Variants in BLTP3B observed in about 807,000 individuals in gnomAD.
BLTP3B encodes the protein bridge-like lipid transfer protein family member 3B.
chr12:100,140,566 G>A, the BLTP3B span, among the ~76,000 whole-genome samples: 6 of 150,840 alleles, frequency 4.0e-5, no homozygotes, highest in Non-Finnish European at 7.4e-5. Context: ...TTAGCCAGGC[G>A]TGGTGGCGCA....
the BLTP3B span, among the ~76,000 whole-genome samples, chr12:100,060,515 GT>G: frequency 6.6e-6 from 1 of 152,148 alleles, no homozygotes; most frequent in African/African-American, 2.4e-5. Flanking sequence ...AGAGAGCTAA[GT>G]TAACCAATTT....
At chr12:100,123,577 G>GTCA in the BLTP3B span, among the ~76,000 whole-genome samples, 3 of 152,126 alleles carry the variant, frequency 2.0e-5, no homozygotes, top group Non-Finnish European at 4.4e-5. Flanking sequence ...TCCCAAGACT[G>GTCA]CCCTCCGTCA....
At chr12:100,050,948 A>C in the BLTP3B span, 1 of 1,264,118 alleles carries the variant, frequency 7.9e-7, no homozygotes, top group South Asian at 1.6e-5. Flanking sequence ...CAAGAACAAA[A>C]GCTGCAAATT....
At chr12:100,042,948 C>G in the BLTP3B span, among the ~76,000 whole-genome samples, 1 of 152,042 alleles carries the variant, frequency 6.6e-6, no homozygotes, top group Non-Finnish European at 1.5e-5. Context: ...TACAGATGTG[C>G]GCCAAGACAC....
At chr12:100,067,330 T>C in the BLTP3B span, among the ~76,000 whole-genome samples, 1 of 151,650 alleles carries the variant, frequency 6.6e-6, no homozygotes, top group Non-Finnish European at 1.5e-5. Flanking sequence ...AGAAAGGCAA[T>C]GACCAATATC....
chr12:100,059,808 AG>A, the BLTP3B span: 2 of 1,552,324 alleles, frequency 1.3e-6, no homozygotes, highest in East Asian at 4.5e-5. Context: ...TAAAATAAAA[AG>A]AACAAAATTA....
chr12:100,075,618 G>A, the BLTP3B span, among the ~76,000 whole-genome samples: 3 of 152,002 alleles, frequency 2.0e-5, no homozygotes, highest in Admixed American at 2.0e-4. Flanking sequence ...AATCTATAAG[G>A]AACTTGAACA....
At chr12:100,131,602 GTCAA>G in the BLTP3B span, among the ~76,000 whole-genome samples, 10 of 152,090 alleles carry the variant, frequency 6.6e-5, no homozygotes, top group Admixed American at 5.9e-4. Flanking sequence ...TCAATAAACT[GTCAA>G]TCAAACTATT....
chr12:100,097,563 G>A, the BLTP3B span: 1 of 1,496,596 alleles, frequency 6.7e-7, no homozygotes, highest in Non-Finnish European at 8.9e-7. Context: ...TGAGAAAAAT[G>A]TAGATTTTTA....
At chr12:100,055,769 G>C in the BLTP3B span, among the ~76,000 whole-genome samples, 1 of 151,592 alleles carries the variant, frequency 6.6e-6, no homozygotes, top group Non-Finnish European at 1.5e-5. Context: ...AACTTCAGGA[G>C]CCTCAGTTTC....
At chr12:100,136,801 CTTTT>C in the BLTP3B span, among the ~76,000 whole-genome samples, 1 of 149,012 alleles carries the variant, frequency 6.7e-6, no homozygotes, top group Non-Finnish European at 1.5e-5. Context: ...CTTTTCTTTT[CTTTT>C]TTTTCTTTTT....
the BLTP3B span, chr12:100,086,195 A>G: frequency 2.2e-6 from 2 of 890,840 alleles, no homozygotes; most frequent in Non-Finnish European, 3.2e-6. Context: ...AAATAAAAGC[A>G]AGATAAAACT....
chr12:100,045,867 TAAAC>T, the BLTP3B span, among the ~76,000 whole-genome samples: 3 of 152,128 alleles, frequency 2.0e-5, no homozygotes, highest in African/African-American at 7.2e-5. Flanking sequence ...ACAAAGAACT[TAAAC>T]AAATTTACAA....
the BLTP3B span, among the ~76,000 whole-genome samples, chr12:100,050,925 G>T: frequency 2.3e-3 from 349 of 152,274 alleles, 3 homozygotes; most frequent in African/African-American, 8.0e-3. Context: ...AAACGATTGG[G>T]GGGAGGCATT....
chr12:100,072,086 C>A, the BLTP3B span, among the ~76,000 whole-genome samples: 2 of 151,934 alleles, frequency 1.3e-5, no homozygotes, highest in South Asian at 4.2e-4. Context: ...CATGGTGAAA[C>A]CCTGTCTCTA....
chr12:100,128,322 TA>T, the BLTP3B span, among the ~76,000 whole-genome samples: 2 of 152,076 alleles, frequency 1.3e-5, no homozygotes. Context: ...GAGATGGTTA[TA>T]ACTTTAAGTA....
chr12:100,099,991 T>TAAA, the BLTP3B span, among the ~76,000 whole-genome samples: 1 of 142,274 alleles, frequency 7.0e-6, no homozygotes, highest in South Asian at 2.2e-4. Flanking sequence ...TATAAATTAT[T>TAAA]AAAAAAAAAA....
At chr12:100,125,200 C>A in the BLTP3B span, among the ~76,000 whole-genome samples, 12 of 150,330 alleles carry the variant, frequency 8.0e-5, no homozygotes, top group African/African-American at 2.9e-4. Flanking sequence ...GACATGGAGG[C>A]ACACGCCTGT....
At chr12:100,094,693 A>G in the BLTP3B span, among the ~76,000 whole-genome samples, 2 of 152,184 alleles carry the variant, frequency 1.3e-5, no homozygotes, top group African/African-American at 4.8e-5. Context: ...TCCATCTCTA[A>G]CAAAATTACA....
Sources: gnomAD v4.1 joint callset for allele counts (sites outside exome capture counted in the v4.1 genomes callset) on GRCh38, gnomAD v4.1.1 for gene constraint, MANE v1.5 for transcripts, NCBI Gene and HGNC (gene_info 2026-07-23, HGNC 2026-07-21) for gene names.